The following ENTPD7 variants were observed in gnomAD, a reference collection of about 807,000 sequenced individuals.
The protein encoded by ENTPD7 is ectonucleoside triphosphate diphosphohydrolase 7.
In ENTPD7, 53 loss-of-function variants were observed where a neutral mutation model predicts 77.9. That is an observed-to-expected ratio of 0.68 (90% CI 0.55 to 0.85). ENTPD7 has a LOEUF of 0.85. ENTPD7 is among the 40% of genes least tolerant of loss of function. ENTPD7 has a pLI of 0.00. For missense variants in ENTPD7, 636 were observed against 743.7 expected (o/e 0.86, Z 1.68); for synonymous variants, 248 against 274.9 (o/e 0.90, Z 0.97).
In ENTPD7 at chr10:99,706,863, C is replaced by T. The variant is rs1057491; in HGVS notation, c.*2180C>T. 0.43 allele frequency among the ~76,000 whole-genome samples: 65,934 copies of T among 151,962 alleles called. 14,724 individuals carry two copies. Among genetic ancestry groups the T allele is most frequent in the Middle Eastern group, 0.65 (190 of 292 alleles). On this transcript the variant is annotated 3_prime_UTR_variant, in exon 13 of 13. Coordinates refer to ENST00000370489, the MANE Select transcript of ENTPD7 (RefSeq NM_020354.5). ...TACTATTTTTGGTTTTTTGTGAGAT[C>T]TAATCAATGATCTAGTCAGAAGCTA... is the stretch of plus-strand genomic sequence containing the variant.
intron 6 of ENTPD7, among the ~76,000 whole-genome samples, chr10:99,687,318 G>A (rs1590047498): frequency 1.8e-5 from 2 of 112,790 alleles, no homozygotes; most frequent in Admixed American, 2.6e-4. Flanking sequence ...CCAGACTGGA[G>A]TGCAGTGTCG....
chr10:99,666,625 G>A (rs1368949565), intron 3 of ENTPD7, among the ~76,000 whole-genome samples: 1 of 152,116 alleles, frequency 6.6e-6, no homozygotes, highest in Non-Finnish European at 1.5e-5. Flanking sequence ...ACTTATGATG[G>A]GTTATGTAAA....
intron 9 of ENTPD7, 118 bp from the exon 10 acceptor site, chr10:99,698,416 C>A: frequency 1.0e-6 from 1 of 994,682 alleles, no homozygotes; most frequent in Non-Finnish European, 1.5e-6. Context: ...ATCCTCGTTT[C>A]TAGAGATATC....
At chr10:99,672,753 T>G (rs2035632175) in intron 3 of ENTPD7, among the ~76,000 whole-genome samples, 1 of 152,224 alleles carries the variant, frequency 6.6e-6, no homozygotes, top group African/African-American at 2.4e-5. Flanking sequence ...GCACAGCTAC[T>G]TTAACTGTAA....
chr10:99,674,773 A>G (rs1261483972), intron 3 of ENTPD7, among the ~76,000 whole-genome samples: 1 of 152,210 alleles, frequency 6.6e-6, no homozygotes, highest in Non-Finnish European at 1.5e-5. Flanking sequence ...GTTGATTGAT[A>G]CTTGCTTTGA....
At chr10:99,686,171 G>A (rs969528626) in intron 6 of ENTPD7, among the ~76,000 whole-genome samples, 4 of 152,092 alleles carry the variant, frequency 2.6e-5, no homozygotes, top group Admixed American at 2.6e-4. Context: ...ATTTCAGTTG[G>A]ATATTTGGTT....
At chr10:99,700,781 GTGCTAGACATGGGA>G in intron 10 of ENTPD7, 178 bp from the exon 11 acceptor site, 1 of 632,020 alleles carries the variant, frequency 1.6e-6, no homozygotes, top group African/African-American at 1.8e-5. Flanking sequence ...AGCTGGCTTG[GTGCTAGACATGGGA>G]TGACGGGAAT....
At chr10:99,669,596 GT>G (rs974397236) in intron 3 of ENTPD7, among the ~76,000 whole-genome samples, 14 of 151,754 alleles carry the variant, frequency 9.2e-5, no homozygotes, top group East Asian at 1.9e-4. Context: ...CCAAAACTGT[GT>G]TTTTTTTAAT....
chr10:99,687,025 C>T (rs1294066733), intron 6 of ENTPD7, among the ~76,000 whole-genome samples: 1 of 149,188 alleles, frequency 6.7e-6, no homozygotes, highest in Non-Finnish European at 1.5e-5. Flanking sequence ...TCAAGCGATT[C>T]TCCTGCCTCA....
chr10:99,707,263 G>T lies in ENTPD7; in HGVS notation c.*2580G>T, dbSNP rs941099125. ...GAGCAAGGTCTCCAGGAGTTCCACA[G>T]TACTGAAGGAAAATTTTGTCATATC... On this transcript the variant is annotated 3_prime_UTR_variant, in exon 13 of 13. Coordinates refer to ENST00000370489, the MANE Select transcript of ENTPD7 (RefSeq NM_020354.5). 2.0e-5 allele frequency among the ~76,000 whole-genome samples: 3 copies of T among 152,118 alleles called. No individual in the cohort carries two copies. The highest frequency in any genetic ancestry group is 7.2e-5 in the African/African-American group (3 of 41,440).
intron 10 of ENTPD7, among the ~76,000 whole-genome samples, chr10:99,699,927 C>G (rs1371398715): frequency 2.0e-5 from 3 of 146,720 alleles, no homozygotes; most frequent in African/African-American, 7.5e-5. Flanking sequence ...CTTTCTCTTT[C>G]TTTCTTACAA....
At chr10:99,700,272 A>G (rs1486716994) in intron 10 of ENTPD7, among the ~76,000 whole-genome samples, 1 of 152,044 alleles carries the variant, frequency 6.6e-6, no homozygotes, top group Non-Finnish European at 1.5e-5. Flanking sequence ...CTTTGACTCA[A>G]ACGTTATCTT....
intron 10 of ENTPD7, 142 bp from the exon 11 acceptor site, chr10:99,700,831 G>C (rs750862905): frequency 2.2e-5 from 16 of 728,664 alleles, no homozygotes; most frequent in Non-Finnish European, 3.2e-5. Context: ...GCAGTGTTTA[G>C]TGAATGAACA....
At chr10:99,691,890 T>C (rs1162471098) in intron 8 of ENTPD7, among the ~76,000 whole-genome samples, 1 of 152,222 alleles carries the variant, frequency 6.6e-6, no homozygotes, top group African/African-American at 2.4e-5. Flanking sequence ...TTGATACATA[T>C]CTATTGTTCA....
rs60812763 is a variant in ENTPD7, at chr10:99,706,741, C to T, written c.*2058C>T. Among the ~76,000 whole-genome samples, 375 of 152,258 alleles carry T rather than the reference C, an allele frequency of 2.5e-3. 2 individuals carry two copies. Among genetic ancestry groups the T allele is most frequent in the African/African-American group, 8.6e-3 (357 of 41,546 alleles). ...GCTTTTTCTTTTATTATCTGTGCTC[C>T]GTGAACCTTATGAATGCTGCTTAAA... On this transcript the variant is annotated 3_prime_UTR_variant, in exon 13 of 13. Transcript: ENST00000370489.
At chr10:99,690,116 T>A (rs2035861466) in intron 7 of ENTPD7, among the ~76,000 whole-genome samples, 1 of 152,232 alleles carries the variant, frequency 6.6e-6, no homozygotes, top group Non-Finnish European at 1.5e-5. Context: ...GGCTGCTGTA[T>A]CCTTTTAATA....
Position 99,700,446 on chromosome 10 carries a change from T to G in ENTPD7, c.1336-527T>G, listed in dbSNP as rs933478965. 2.9e-4 allele frequency among the ~76,000 whole-genome samples: 42 copies of G among 146,900 alleles called. 1 individual carries two copies. The highest frequency in any genetic ancestry group is 9.5e-4 in the African/African-American group (37 of 38,776). On this transcript the variant is annotated intron_variant, in intron 10 of 12. Coordinates refer to ENST00000370489, the MANE Select transcript of ENTPD7 (RefSeq NM_020354.5). ...TGTGTGTGTGTGTGTGTGTGTGTGT[T>G]TATTGTCTGTCTCCTACCACTAGAA...
chr10:99,701,577 C>T (rs969624790), intron 11 of ENTPD7, among the ~76,000 whole-genome samples: 5 of 151,566 alleles, frequency 3.3e-5, no homozygotes, highest in Non-Finnish European at 5.9e-5. Context: ...TATGAGCCAC[C>T]GGGCCCGGCC....
rs139467210 is a variant in ENTPD7 at position 99,670,475 on chromosome 10, G to A, written c.192-8786G>A. 5.7e-4 allele frequency among the ~76,000 whole-genome samples: 87 copies of A among 152,142 alleles called. 1 individual carries two copies. The highest frequency in any genetic ancestry group is 2.0e-3 in the African/African-American group (85 of 41,496). On this transcript the variant is annotated intron_variant, in intron 3 of 12. Transcript: ENST00000370489. The stretch of plus-strand genomic sequence containing the variant: ...TACAGTCGTGTGTTATATAATGATT[G>A]GGATATGTTCTAATAAATGCATCAT...
Sources: allele counts gnomAD v4.1 joint callset (sites outside exome capture counted in the v4.1 genomes callset), GRCh38; gene constraint gnomAD v4.1.1; transcripts MANE v1.5; gene names NCBI Gene and HGNC (gene_info 2026-07-23, HGNC 2026-07-21).